The following RASA2 variants were observed in gnomAD, a reference collection of about 807,000 sequenced individuals.
RASA2 encodes the protein ras GTPase-activating protein 2.
In RASA2, 155 loss-of-function variants were observed where a neutral mutation model predicts 118.2. The ratio of observed to expected loss-of-function variants is 1.31; its 90% CI spans 1.15 to 1.50. The LOEUF (loss-of-function observed/expected upper bound fraction) is 1.50, where lower values mean the gene tolerates loss of function less well. RASA2 is among the 40% of genes most tolerant of loss of function. The pLI is 0.00. For synonymous variants in RASA2, 353 were observed against 349.1 expected, an observed-to-expected ratio of 1.01 and a Z score of -0.12; for missense variants, 1,016 against 1,009.6, an observed-to-expected ratio of 1.01 and a Z score of -0.09.
At chr3:141,604,706 A>G (rs2083519588) in intron 19 of RASA2, among the ~76,000 whole-genome samples, 1 of 140,278 alleles carries the variant, frequency 7.1e-6, no homozygotes, top group East Asian at 2.3e-4. Flanking sequence ...GATAGGCTTT[A>G]TGGCTGATAA....
At chr3:141,526,463 TCTC>T (rs897558938) in intron 3 of RASA2, among the ~76,000 whole-genome samples, 1 of 152,070 alleles carries the variant, frequency 6.6e-6, no homozygotes, top group African/African-American at 2.4e-5. Context: ...TTGTCTGTCT[TCTC>T]CTCTCCCTCT....
intron 7 of RASA2, among the ~76,000 whole-genome samples, chr3:141,556,253 C>A (rs750203235): frequency 3.9e-5 from 6 of 152,174 alleles, no homozygotes; most frequent in Non-Finnish European, 7.3e-5. Flanking sequence ...TACCCTTTGA[C>A]AGTCACTAGT....
chr3:141,608,914 A>G (rs2083591940), intron 21 of RASA2, among the ~76,000 whole-genome samples: 1 of 152,242 alleles, frequency 6.6e-6, no homozygotes, highest in Non-Finnish European at 1.5e-5. Flanking sequence ...AAATTCATAG[A>G]AACACAAAGT....
At chr3:141,545,022 G>C (rs116071488) in intron 5 of RASA2, among the ~76,000 whole-genome samples, 2,072 of 152,280 alleles carry the variant, frequency 0.014, 61 homozygotes, top group African/African-American at 0.047. Context: ...AGAGGATCAG[G>C]AACAATAACT....
At chr3:141,585,486 G>C (rs2083186561) in intron 17 of RASA2, among the ~76,000 whole-genome samples, 1 of 152,126 alleles carries the variant, frequency 6.6e-6, no homozygotes, top group Non-Finnish European at 1.5e-5. Flanking sequence ...AATATGTTCT[G>C]GGTTTTAAGT....
intron 19 of RASA2, chr3:141,600,229 G>C: frequency 8.2e-6 from 4 of 486,760 alleles, no homozygotes; most frequent in Non-Finnish European, 1.7e-5. Context: ...GTGTAAAAAG[G>C]TTTCTTGAAG....
intron 5 of RASA2, among the ~76,000 whole-genome samples, chr3:141,542,316 C>T (rs1427595052): frequency 1.3e-5 from 2 of 152,120 alleles, no homozygotes; most frequent in African/African-American, 4.8e-5. Context: ...TTTCACTTAG[C>T]ATAATGCTTT....
chr3:141,516,429 T>C lies in RASA2; in HGVS notation c.353T>C (p.Ile118Thr), dbSNP rs1008749383. 1 of 1,528,230 alleles carries C rather than the reference T, an allele frequency of 6.5e-7. No homozygotes were observed. 94.7% of individuals were successfully genotyped at this position (1,528,230 alleles called of 1,614,324 possible). ...DKNVLQRDLR[I>T]GKVAIKKEDL... ...AATGTTTTACAAAGAGATCTCCGTA[T>C]AGGTATGTACTATTCATAATTATCT... The change falls in exon 3 of 24, where the codon ATA (isoleucine) becomes ACA (threonine). Residue 118 changes from isoleucine (I) to threonine (T), a missense_variant and splice_region_variant. Around this residue, in one of 2 missense-constraint regions of RASA2, gnomAD observed 896 missense variants for 836.4 expected, o/e 1.07. Transcript: ENST00000286364.
chr3:141,612,188 G>A, intron 23 of RASA2, 95 bp from the exon 24 acceptor site: 1 of 941,352 alleles, frequency 1.1e-6, no homozygotes, highest in East Asian at 2.7e-5. Context: ...AGATTATCCA[G>A]GGAAAATTCT....
At chr3:141,515,355 T>C (rs987870391) in intron 2 of RASA2, among the ~76,000 whole-genome samples, 2 of 152,164 alleles carry the variant, frequency 1.3e-5, no homozygotes, top group Non-Finnish European at 2.9e-5. Flanking sequence ...AAGGATGGTA[T>C]GAATGACACT....
At chr3:141,593,562 C>T (rs1399303874) in intron 19 of RASA2, among the ~76,000 whole-genome samples, 2 of 152,148 alleles carry the variant, frequency 1.3e-5, no homozygotes, top group Non-Finnish European at 2.9e-5. Context: ...GACTCTTAAA[C>T]CGCTAATGCA....
chr3:141,521,349 C>A (rs956415060), intron 3 of RASA2, among the ~76,000 whole-genome samples: 2 of 152,096 alleles, frequency 1.3e-5, no homozygotes, highest in Non-Finnish European at 2.9e-5. Context: ...GATAAGGAAA[C>A]CTTTTAATGT....
At chr3:141,565,021 T>G (rs2082795853) in intron 9 of RASA2, among the ~76,000 whole-genome samples, 1 of 152,210 alleles carries the variant, frequency 6.6e-6, no homozygotes, top group Non-Finnish European at 1.5e-5. Context: ...AGTCTCTCTC[T>G]GTCGCCCAGG....
At chr3:141,577,127 A>G in intron 15 of RASA2, 21 bp downstream of exon 15, 1 of 1,512,482 alleles carries the variant, frequency 6.6e-7, no homozygotes, top group Non-Finnish European at 9.1e-7. Flanking sequence ...ATTCTTCTGA[A>G]AGCTTTATTC....
chr3:141,588,847 A>AT (rs1380672762), intron 19 of RASA2, among the ~76,000 whole-genome samples: 5,362 of 145,928 alleles, frequency 0.037, 293 homozygotes, highest in African/African-American at 0.12. Flanking sequence ...TTTTATTTTT[A>AT]TTTTTTTTTT....
intron 19 of RASA2, among the ~76,000 whole-genome samples, chr3:141,589,356 T>A (rs1285678234): frequency 6.6e-6 from 1 of 152,180 alleles, no homozygotes; most frequent in Admixed American, 6.5e-5. Context: ...AAACCAATAT[T>A]CTGAAGTATT....
At chr3:141,587,023 T>C (rs1560052980) in intron 19 of RASA2, 1 of 449,820 alleles carries the variant, frequency 2.2e-6, no homozygotes, top group Non-Finnish European at 4.1e-6. Context: ...CATACTGTTA[T>C]TTATCAAAGA....
chr3:141,540,866 G>A lies in RASA2; in HGVS notation c.527+257G>A, dbSNP rs1210072752. On this transcript the variant is annotated intron_variant, in intron 5 of 23. Coordinates refer to ENST00000286364, the MANE Select transcript of RASA2 (RefSeq NM_006506.5). ...ATATATGGGCATTAAGGATAAGGGT[G>A]TCTAACTCTCTGGCAGTGGAGAATT... 2.0e-4 allele frequency among the ~76,000 whole-genome samples: 30 copies of A among 152,102 alleles called. 1 individual carries two copies. Among genetic ancestry groups the A allele is most frequent in the Admixed American group, 1.9e-3 (29 of 15,266 alleles).
intron 4 of RASA2, among the ~76,000 whole-genome samples, chr3:141,530,923 G>A (rs1407734382): frequency 1.3e-5 from 2 of 152,130 alleles, no homozygotes; most frequent in Non-Finnish European, 2.9e-5. Flanking sequence ...GAAAACTTAG[G>A]TCCTAGTTTT....
Sources: gnomAD v4.1 joint callset for allele counts (sites outside exome capture counted in the v4.1 genomes callset) on GRCh38, gnomAD v4.1.1 for gene constraint, gnomAD v4.1.1 regional missense constraint, MANE v1.5 for transcripts, NCBI Gene and HGNC (gene_info 2026-07-23, HGNC 2026-07-21) for gene names.